TRPM3: variants seen among roughly 807,000 people sequenced by gnomAD.
TRPM3 encodes long transient receptor potential channel 3.
In TRPM3, 77 loss-of-function variants were observed where a neutral mutation model predicts 181.2. The observed-to-expected ratio is 0.42, with a 90% CI of 0.35 to 0.51. The LOEUF (loss-of-function observed/expected upper bound fraction) is 0.51. TRPM3 is among the 20% of genes least tolerant of loss of function. The pLI, the probability that TRPM3 is intolerant of heterozygous loss-of-function variation, is 0.01. For missense variants in TRPM3, 1,759 were observed against 2,196.7 expected, an observed-to-expected ratio of 0.80 and a Z score of 3.98; for synonymous variants, 745 against 796.4, an observed-to-expected ratio of 0.94 and a Z score of 1.09.
chr9:71,418,219 G>C (rs573470794), intron 1 of TRPM3, among the ~76,000 whole-genome samples: 1 of 151,874 alleles, frequency 6.6e-6, no homozygotes, highest in African/African-American at 2.4e-5. Flanking sequence ...CTGGTTTTGG[G>C]GTGGCAAGCA....
At chr9:70,887,671 C>T (rs2096114202) in intron 1 of TRPM3, among the ~76,000 whole-genome samples, 1 of 152,106 alleles carries the variant, frequency 6.6e-6, no homozygotes, top group Non-Finnish European at 1.5e-5. Flanking sequence ...AGGAATGAGG[C>T]AGCCCATACA....
intron 1 of TRPM3, among the ~76,000 whole-genome samples, chr9:71,270,162 C>A (rs1233062189): frequency 1.3e-5 from 2 of 152,084 alleles, no homozygotes; most frequent in Non-Finnish European, 2.9e-5. Flanking sequence ...CCAGCCTGGC[C>A]AACGTGGGGA....
intron 1 of TRPM3, among the ~76,000 whole-genome samples, chr9:71,311,236 T>G (rs2087899602): frequency 6.6e-6 from 1 of 152,132 alleles, no homozygotes; most frequent in African/African-American, 2.4e-5. Flanking sequence ...TTTCTGTAAA[T>G]TCATCTTTTC....
chr9:71,026,953 T>C (rs1442475346), intron 1 of TRPM3, among the ~76,000 whole-genome samples: 1 of 152,150 alleles, frequency 6.6e-6, no homozygotes, highest in African/African-American at 2.4e-5. Context: ...CTGCTGCTGC[T>C]GCTGAGCACG....
At chr9:70,793,793 A>G in intron 6 of TRPM3, 2 of 376,554 alleles carry the variant, frequency 5.3e-6, no homozygotes, top group South Asian at 2.1e-5. Context: ...CATATTTAGT[A>G]GAAATCATAC....
chr9:70,884,880 G>A lies in TRPM3; in HGVS notation c.178-20369C>T, dbSNP rs866515648. On this transcript the variant is annotated intron_variant, in intron 1 of 25. Coordinates refer to ENST00000677713, the MANE Select transcript of TRPM3 (RefSeq NM_001366145.2). Reference sequence around the variant, plus strand: ...TGAAAAATGCATACTCTGGTCCCTCGCTCATAGATTCTGAATCTGTAGGTG... The same window carrying A: ...TGAAAAATGCATACTCTGGTCCCTCACTCATAGATTCTGAATCTGTAGGTG... Among the ~76,000 whole-genome samples the A allele has an allele frequency of 8.5e-5, 13 of 152,174 alleles. No homozygotes were observed. In the Middle Eastern group the frequency reaches 0.01, roughly 119 times the overall value.
intron 1 of TRPM3, among the ~76,000 whole-genome samples, chr9:71,228,183 G>A (rs891909986): frequency 6.6e-6 from 1 of 152,126 alleles, no homozygotes; most frequent in African/African-American, 2.4e-5. Flanking sequence ...TTCAACATAT[G>A]CACATCAATC....
In TRPM3 at chr9:70,536,035, G is replaced by C. The variant is rs147592380; in HGVS notation, c.5078C>G (p.Pro1693Arg). Reference protein sequence around the residue: ...NPFQRSKSSKPEGRGDSLSMR... With the variant: ...NPFQRSKSSKREGRGDSLSMR... ...GGACAGGCTGTCCCCTCGGCCCTCCGGCTTGGAGGACTTGCTTCTCTGGAA... is the reference window on the plus strand; with the variant it reads ...GGACAGGCTGTCCCCTCGGCCCTCCCGCTTGGAGGACTTGCTTCTCTGGAA... Residue 1693 changes from proline (P) to arginine (R), a missense_variant, in exon 26 of 26, where the codon CCG (proline) becomes CGG (arginine). Pro to Arg is a moderately radical substitution (Grantham distance 103). Around this residue, in one of 8 missense-constraint regions of TRPM3, gnomAD observed 612 missense variants for 590.0 expected, o/e 1.04. Transcript: ENST00000677713. 1 of 1,614,180 alleles carries C rather than the reference G, an allele frequency of 6.2e-7. No individual in the cohort carries two copies.
intron 1 of TRPM3, among the ~76,000 whole-genome samples, chr9:71,399,719 G>T (rs954053609): frequency 6.6e-6 from 1 of 151,692 alleles, no homozygotes; most frequent in Non-Finnish European, 1.5e-5. Flanking sequence ...TTTTAGTAGC[G>T]ACAAGGTTTC....
At chr9:71,293,069 T>C (rs1183153800) in intron 1 of TRPM3, among the ~76,000 whole-genome samples, 1 of 151,944 alleles carries the variant, frequency 6.6e-6, no homozygotes, top group Non-Finnish European at 1.5e-5. Flanking sequence ...TCAATATATT[T>C]GGTAAAAAGT....
intron 1 of TRPM3, among the ~76,000 whole-genome samples, chr9:71,386,088 A>C (rs2092917025): frequency 6.6e-6 from 1 of 152,168 alleles, no homozygotes; most frequent in Admixed American, 6.5e-5. Context: ...GAATAGAGTT[A>C]AGAATGAATC....
At chr9:71,415,735 C>G (rs2093627123) in intron 1 of TRPM3, among the ~76,000 whole-genome samples, 1 of 151,894 alleles carries the variant, frequency 6.6e-6, no homozygotes, top group African/African-American at 2.4e-5. Context: ...CTATACTCAG[C>G]CCCCTGGATG....
At chr9:70,959,772 G>A (rs1437371526) in intron 1 of TRPM3, among the ~76,000 whole-genome samples, 2 of 151,954 alleles carry the variant, frequency 1.3e-5, no homozygotes, top group South Asian at 2.1e-4. Flanking sequence ...TCATTTTCCC[G>A]TCCCTTTTAG....
intron 9 of TRPM3, among the ~76,000 whole-genome samples, chr9:70,662,025 T>C (rs964649879): frequency 2.0e-5 from 3 of 152,160 alleles, no homozygotes; most frequent in South Asian, 2.1e-4. Context: ...CAAGTTATAC[T>C]ACAAGGTTAC....
At chr9:71,214,650 G>T (rs1475324962) in intron 1 of TRPM3, among the ~76,000 whole-genome samples, 1 of 151,988 alleles carries the variant, frequency 6.6e-6, no homozygotes, top group African/African-American at 2.4e-5. Flanking sequence ...GAAGGCTAAA[G>T]GCCAAACTGT....
At chr9:71,336,990 G>A (rs989275110) in intron 1 of TRPM3, among the ~76,000 whole-genome samples, 39 of 152,126 alleles carry the variant, frequency 2.6e-4, no homozygotes, top group Middle Eastern at 3.4e-3. Flanking sequence ...GATCTAAAAT[G>A]ATAAAAACAC....
Position 71,017,995 on chromosome 9 carries a change from C to A in TRPM3, c.177+103183G>T, listed in dbSNP as rs146093180. 1.7e-3 allele frequency among the ~76,000 whole-genome samples: 258 copies of A among 151,918 alleles called. 1 individual carries two copies. The highest frequency in any genetic ancestry group is 5.5e-3 in the African/African-American group (227 of 41,522). ...TGTAAATGTTATGATCACAGAGTAA[C>A]TAGCAAGGACTTCAAATAACAAAAA... On this transcript the variant is annotated intron_variant, in intron 1 of 25. Transcript: ENST00000677713.
chr9:70,992,639 T>C (rs1256957064), intron 1 of TRPM3, among the ~76,000 whole-genome samples: 1 of 152,198 alleles, frequency 6.6e-6, no homozygotes, highest in Non-Finnish European at 1.5e-5. Context: ...GAAATGTGAC[T>C]AGTATAACAG....
In TRPM3 at chr9:70,535,705, C is replaced by T; in HGVS notation, c.*248G>A. ...TCATCTCTAACCCTTCCTTCTCCCTCTCTTCCCCCTCCCTGCCCAGCAAGT... is the reference window on the plus strand; with the variant it reads ...TCATCTCTAACCCTTCCTTCTCCCTTTCTTCCCCCTCCCTGCCCAGCAAGT... On this transcript the variant is annotated 3_prime_UTR_variant, in exon 26 of 26. Transcript: ENST00000677713. 7.0e-7 allele frequency: 1 copy of T among 1,434,824 alleles called. No homozygotes were observed. Among genetic ancestry groups the T allele is most frequent in the South Asian group, 1.5e-5 (1 of 65,638 alleles). 88.9% of individuals were successfully genotyped at this position (1,434,824 alleles called of 1,614,324 possible). A position where few individuals can be genotyped will look rare whatever the true frequency, so the allele number is the denominator to read the frequency against.
Sources: allele counts gnomAD v4.1 joint callset (sites outside exome capture counted in the v4.1 genomes callset), GRCh38; gene constraint gnomAD v4.1.1; regional missense constraint gnomAD v4.1.1; transcripts MANE v1.5; gene names NCBI Gene and HGNC (gene_info 2026-07-23, HGNC 2026-07-21).